The following DAGLB variants were observed in gnomAD, a reference collection of about 807,000 sequenced individuals.
The protein encoded by DAGLB is diacylglycerol lipase-beta.
DAGLB carries 66 observed loss-of-function variants against 72.1 expected under a neutral mutation model. That is an observed-to-expected ratio of 0.92 (90% CI 0.75 to 1.12). DAGLB has a LOEUF of 1.12. Among genes scored for constraint, DAGLB ranks in the 50% most tolerant of loss-of-function variants. DAGLB has a pLI of 0.00. For synonymous variants in DAGLB, 414 were observed against 359.5 expected (o/e 1.15, Z -1.71); for missense variants, 1,065 against 884.9 (o/e 1.20, Z -2.58).
chr7:6,422,277 A>T lies in DAGLB; in HGVS notation c.1141-473T>A, dbSNP rs1398834226. ...CAGGGGCAGCTCCCTGGAGGAGGTGACGCCACAGCCAGACCCGAAGGAAGA... is the reference window on the plus strand; with the variant it reads ...CAGGGGCAGCTCCCTGGAGGAGGTGTCGCCACAGCCAGACCCGAAGGAAGA... On this transcript the variant is annotated intron_variant, in intron 8 of 14. Coordinates refer to ENST00000297056, the MANE Select transcript of DAGLB (RefSeq NM_139179.4). 1.0e-5 allele frequency: 3 copies of T among 295,128 alleles called. No individual in the cohort carries two copies. The East Asian group carries it at 2.7e-4, about 26-fold the overall frequency. The allele number at this position is 295,128 out of a possible 1,614,324, so 18.3% of individuals were successfully genotyped here.
intron 6 of DAGLB, among the ~76,000 whole-genome samples, chr7:6,430,250 C>CATATACATATATATATATATAT (rs1491373912): frequency 1.1e-4 from 5 of 45,748 alleles, no homozygotes; most frequent in African/African-American, 5.2e-4. Flanking sequence ...AATACATGTG[C>CATATACATATATATATATATAT]ATATATATAT....
intron 9 of DAGLB, among the ~76,000 whole-genome samples, chr7:6,418,723 G>T (rs1399865658): frequency 1.3e-5 from 2 of 151,562 alleles, no homozygotes; most frequent in East Asian, 3.9e-4. Flanking sequence ...GGAGTTCAGT[G>T]GCTCGATCTC....
Position 6,421,729 on chromosome 7 carries a change from T to A in DAGLB, c.1216A>T (p.Lys406Ter). The A allele has an allele frequency of 6.2e-7, 1 of 1,609,378 alleles. No individual in the cohort carries two copies. Among genetic ancestry groups the A allele is most frequent in the Non-Finnish European group, 8.5e-7 (1 of 1,176,776 alleles). ...ECEVQDRLAH[K>*]GISQAARYVY... is the part of the protein sequence containing the mutation. ...GACACACGAGTCCGCGCTCATACCT[T>A]GTGTGCCAGGCGGTCCTGCACCTCA... The change falls in exon 9 of 15, where the codon AAG (lysine) becomes TAG (stop). Residue 406 changes from lysine to a stop codon, truncating the protein, a stop_gained and splice_region_variant. Coordinates refer to ENST00000297056, the MANE Select transcript of DAGLB (RefSeq NM_139179.4). LOFTEE classifies it high-confidence loss of function.
intron 9 of DAGLB, 128 bp from the exon 10 acceptor site, chr7:6,417,049 G>C (rs535734473): frequency 3.8e-6 from 4 of 1,055,454 alleles, no homozygotes; most frequent in Non-Finnish European, 5.6e-6. Context: ...TGCAGAATCA[G>C]CAGCCACGTC....
intron 7 of DAGLB, among the ~76,000 whole-genome samples, 160 bp downstream of exon 7, chr7:6,425,828 T>TCC (rs934313379): frequency 6.6e-6 from 1 of 152,168 alleles, no homozygotes; most frequent in African/African-American, 2.4e-5. Flanking sequence ...TCTGTGTGGC[T>TCC]CCCCCAGAGT....
chr7:6,421,722 C>G lies in DAGLB; in HGVS notation c.1218+5G>C. The G allele has an allele frequency of 1.2e-6, 2 of 1,607,654 alleles. No homozygotes were observed. The highest frequency in any genetic ancestry group is 1.7e-6 in the Non-Finnish European group (2 of 1,175,762). Reference sequence around the variant, plus strand: ...CAGGCAAGACACACGAGTCCGCGCTCATACCTTGTGTGCCAGGCGGTCCTG... The same window carrying G: ...CAGGCAAGACACACGAGTCCGCGCTGATACCTTGTGTGCCAGGCGGTCCTG... On this transcript the variant is annotated splice_donor_5th_base_variant and intron_variant, in intron 9 of 14. Transcript: ENST00000297056.
At chr7:6,431,816 G>A (rs1275995728) in intron 5 of DAGLB, among the ~76,000 whole-genome samples, 2 of 152,082 alleles carry the variant, frequency 1.3e-5, no homozygotes, top group East Asian at 3.9e-4. Flanking sequence ...AAGTGGCCAG[G>A]AATGGGTTCC....
Position 6,415,447 on chromosome 7 carries a change from TATTTC to T in DAGLB, c.1427+1175_1427+1179del, listed in dbSNP as rs763199910. On this transcript the variant is annotated intron_variant, in intron 11 of 14. Coordinates refer to ENST00000297056, the MANE Select transcript of DAGLB (RefSeq NM_139179.4). ...GGCATGAGCCACCACGCCTGGCCTT[TATTTC>T]ATTTTAATGAAATAAAGTGGTATAA... Among the ~76,000 whole-genome samples the T allele has an allele frequency of 2.5e-4, 38 of 151,880 alleles. No individual in the cohort carries two copies. In the Middle Eastern group the frequency reaches 0.014, roughly 54 times the overall value.
chr7:6,410,712 A>AC (rs1230728119), intron 13 of DAGLB, among the ~76,000 whole-genome samples: 1 of 151,992 alleles, frequency 6.6e-6, no homozygotes, highest in Non-Finnish European at 1.5e-5. Context: ...AATCAGCTTT[A>AC]CCCTTCCTTC....
rs1267517700 is a variant in DAGLB, at chr7:6,417,078, TC to T, written c.1219-158del. Reference sequence around the variant, plus strand: ...CCACGTCCATCGTGCATGGCTGTGCTCCTGGCACCTTGCACAGCGCCTGACG... The same window carrying T: ...CCACGTCCATCGTGCATGGCTGTGCTCTGGCACCTTGCACAGCGCCTGACG... On this transcript the variant is annotated intron_variant, in intron 9 of 14. Transcript: ENST00000297056. The T allele has an allele frequency of 6.3e-6, 5 of 788,890 alleles. No individual in the cohort carries two copies. The African/African-American group carries it at 8.7e-5, about 14-fold the overall frequency. 48.9% of individuals were successfully genotyped at this position (788,890 alleles called of 1,614,324 possible).
At chr7:6,420,853 G>A (rs757882983) in intron 9 of DAGLB, among the ~76,000 whole-genome samples, 1 of 152,200 alleles carries the variant, frequency 6.6e-6, no homozygotes, top group Non-Finnish European at 1.5e-5. Context: ...GAAACTGTAA[G>A]CCTGGCACCG....
chr7:6,427,504 A>C (rs1182188433), intron 6 of DAGLB, among the ~76,000 whole-genome samples: 2 of 152,218 alleles, frequency 1.3e-5, no homozygotes, highest in Admixed American at 1.3e-4. Flanking sequence ...AAACATTTTT[A>C]AAAATTATCT....
chr7:6,447,711 C>T lies in DAGLB; in HGVS notation c.95+37G>A, dbSNP rs768627513. 3.6e-5 allele frequency: 58 copies of T among 1,599,154 alleles called. No individual in the cohort carries two copies. The East Asian group carries it at 1.3e-3, about 36-fold the overall frequency. On this transcript the variant is annotated intron_variant, in intron 1 of 14. Transcript: ENST00000297056. ...GACAGCTCGCCCCCCGCTCCCTCTC[C>T]GGTGGGCTCCACCGCCCCCGTAGCC... is the stretch of plus-strand genomic sequence containing the variant.
intron 8 of DAGLB, among the ~76,000 whole-genome samples, chr7:6,423,372 G>A (rs1784194967): frequency 6.6e-6 from 1 of 152,154 alleles, no homozygotes. Flanking sequence ...GGGCCACATA[G>A]GCTGGGGCAG....
intron 6 of DAGLB, among the ~76,000 whole-genome samples, chr7:6,429,027 C>T (rs1036091640): frequency 6.6e-6 from 1 of 152,054 alleles, no homozygotes; most frequent in African/African-American, 2.4e-5. Flanking sequence ...TGGTCTCAAA[C>T]TCCTGAGCTC....
intron 4 of DAGLB, 22 bp downstream of exon 4, chr7:6,434,740 A>C (rs370111006): frequency 6.8e-6 from 11 of 1,613,252 alleles, no homozygotes; most frequent in Non-Finnish European, 9.3e-6. Flanking sequence ...GAAACAGACC[A>C]AACCAGATCC....
chr7:6,425,079 C>G (rs897754636), intron 7 of DAGLB, among the ~76,000 whole-genome samples: 2 of 152,218 alleles, frequency 1.3e-5, no homozygotes, highest in African/African-American at 4.8e-5. Context: ...CTGACCTCCC[C>G]AGAGATTCGG....
At chr7:6,425,668 G>A (rs543686888) in intron 7 of DAGLB, among the ~76,000 whole-genome samples, 1 of 152,272 alleles carries the variant, frequency 6.6e-6, no homozygotes, top group South Asian at 2.1e-4. Context: ...AACCCAGGAC[G>A]ACGATACGAA....
chr7:6,438,325 A>G (rs1352146042), intron 2 of DAGLB, among the ~76,000 whole-genome samples: 1 of 152,188 alleles, frequency 6.6e-6, no homozygotes, highest in Non-Finnish European at 1.5e-5. Flanking sequence ...TGTTGTGCAC[A>G]TGTACCATAG....
Sources: gnomAD v4.1 joint callset for allele counts (sites outside exome capture counted in the v4.1 genomes callset) on GRCh38, gnomAD v4.1.1 for gene constraint, MANE v1.5 for transcripts, NCBI Gene and HGNC (gene_info 2026-07-23, HGNC 2026-07-21) for gene names.